Variants in ITGA2B observed in about 807,000 individuals in gnomAD.
ITGA2B encodes the protein integrin subunit alpha 2b.
A neutral mutation model predicts 142.0 loss-of-function variants in ITGA2B; 91 were observed. That is an observed-to-expected ratio of 0.64 (90% CI 0.54 to 0.76). ITGA2B has a LOEUF of 0.76. Among genes scored for constraint, ITGA2B ranks in the 30% least tolerant of loss-of-function variants. The pLI, the probability that ITGA2B is intolerant of heterozygous loss-of-function variation, is 0.00. For missense variants in ITGA2B, 1,231 were observed against 1,350.8 expected (o/e 0.91, Z 1.39); for synonymous variants, 536 against 567.2 (o/e 0.94, Z 0.78).
Position 44,377,080 on chromosome 17 carries a change from G to C in ITGA2B, c.2196C>G (p.Ile732Met). ...NPMKKNAQIG[I>M]AMLVSVGNLE... ...GATTCCCCACGCTCACCAACATCGC[G>C]ATTCCTATCTGGGAGATGAGGAGGG... Residue 732 changes from isoleucine to methionine, a missense_variant, in exon 22 of 30, where the codon ATC becomes ATG. Coordinates refer to ENST00000262407, the MANE Select transcript of ITGA2B (RefSeq NM_000419.5). 6.3e-7 allele frequency: 1 copy of C among 1,577,234 alleles called. No individual in the cohort carries two copies. Among genetic ancestry groups the C allele is most frequent in the Non-Finnish European group, 8.6e-7 (1 of 1,161,176 alleles).
chr17:44,375,574 C>T lies in ITGA2B; in HGVS notation c.2727+17G>A, dbSNP rs773764173. Reference sequence around the variant, plus strand: ...GGTCCCGGGGAGGCCGGGCCAGAGACCAGAGAGCCTGCTCACTACGAGAAC... The same window carrying T: ...GGTCCCGGGGAGGCCGGGCCAGAGATCAGAGAGCCTGCTCACTACGAGAAC... On this transcript the variant is annotated intron_variant, in intron 26 of 29. Coordinates refer to ENST00000262407, the MANE Select transcript of ITGA2B (RefSeq NM_000419.5). 3.7e-6 allele frequency: 6 copies of T among 1,613,212 alleles called. No homozygotes were observed. The East Asian group carries it at 8.9e-5, about 24-fold the overall frequency.
intron 23 of ITGA2B, 33 bp downstream of exon 23, chr17:44,376,275 T>A: frequency 1.2e-6 from 2 of 1,613,980 alleles, no homozygotes; most frequent in Non-Finnish European, 1.7e-6. Flanking sequence ...GAGCCCTGAA[T>A]GCCATCTCCC....
At chr17:44,386,958 A>C (rs2048654482) in intron 1 of ITGA2B, among the ~76,000 whole-genome samples, 1 of 152,180 alleles carries the variant, frequency 6.6e-6, no homozygotes, top group Non-Finnish European at 1.5e-5. Context: ...TGCCTGGCTA[A>C]TTAAAAAAAA....
chr17:44,379,874 C>T, intron 17 of ITGA2B, 60 bp from the exon 18 acceptor site: 1 of 1,612,864 alleles, frequency 6.2e-7, no homozygotes, highest in Non-Finnish European at 8.5e-7. Context: ...CTTCTCCTGG[C>T]CAGTAGGCAC....
At position 44,381,055 on chromosome 17, in the gene ITGA2B, G is replaced by A. The variant is rs1204070474; in HGVS notation, c.1217C>T (p.Ala406Val). ...DLDRDGYNDI[A>V]VAAPYGGPSG... ...GGGACCCCCGTAGGGGGCAGCCACTGCAATGTCTGGAAGGAGTAACAGAAA... is the reference window on the plus strand; with the variant it reads ...GGGACCCCCGTAGGGGGCAGCCACTACAATGTCTGGAAGGAGTAACAGAAA... The change falls in exon 13 of 30, where the codon GCA becomes GTA. Residue 406 changes from alanine to valine, a missense_variant. Ala to Val is a moderately conservative substitution (Grantham distance 64, BLOSUM62 0). This residue lies in a region of ITGA2B where 908 missense variants were observed against 1,021.1 expected (regional missense o/e 0.89). Transcript: ENST00000262407. 1 of 1,613,226 alleles carries A rather than the reference G, an allele frequency of 6.2e-7. No homozygotes were observed. The highest frequency in any genetic ancestry group is 8.5e-7 in the Non-Finnish European group (1 of 1,179,676).
intron 18 of ITGA2B, among the ~76,000 whole-genome samples, 183 bp downstream of exon 18, chr17:44,379,506 G>C (rs184817511): frequency 2.4e-3 from 366 of 152,122 alleles, no homozygotes; most frequent in African/African-American, 8.7e-3. Flanking sequence ...TGCCTGCCTC[G>C]GTCTCCCAAA....
At chr17:44,387,388 T>C (rs865832059) in intron 1 of ITGA2B, among the ~76,000 whole-genome samples, 6 of 151,870 alleles carry the variant, frequency 4.0e-5, no homozygotes, top group Admixed American at 6.6e-5. Flanking sequence ...CCGGGCATGG[T>C]GGCATGCACC....
chr17:44,377,452 C>T (rs1354348295), intron 21 of ITGA2B, among the ~76,000 whole-genome samples: 5 of 151,836 alleles, frequency 3.3e-5, no homozygotes, highest in Non-Finnish European at 7.4e-5. Flanking sequence ...TCTCGGCCTC[C>T]CAGAGTGCTG....
At position 44,384,313 on chromosome 17, in the gene ITGA2B, C is replaced by T. The variant is rs531610168; in HGVS notation, c.889G>A (p.Ala297Thr). ...GGCCCAGTGGTGGGGGCACTTACCG[C>T]TCCCAGGGTCCAGCTCCAAGTGGGG... ...GAPTWSWTLG[A>T]VEILDSYYQR... is the part of the protein sequence containing the mutation. The change falls in exon 9 of 30, where the codon GCG becomes ACG. Residue 297 changes from alanine (A) to threonine (T), a missense_variant and splice_region_variant. By Grantham distance (58) the Ala-to-Thr change is moderately conservative. Coordinates refer to ENST00000262407, the MANE Select transcript of ITGA2B (RefSeq NM_000419.5). 2.0e-5 allele frequency: 32 copies of T among 1,613,344 alleles called. No individual in the cohort carries two copies. The South Asian group carries it at 3.3e-4, about 17-fold the overall frequency.
chr17:44,388,351 C>CTTTTT (rs35720866), intron 1 of ITGA2B, among the ~76,000 whole-genome samples: 289 of 97,240 alleles, frequency 3.0e-3, no homozygotes, highest in Non-Finnish European at 4.0e-3. Flanking sequence ...CATTTCCTTT[C>CTTTTT]TTTTTTTTTT....
intron 18 of ITGA2B, among the ~76,000 whole-genome samples, chr17:44,378,969 G>A (rs1393497988): frequency 3.9e-5 from 6 of 152,168 alleles, no homozygotes; most frequent in Non-Finnish European, 7.4e-5. Context: ...TTTTGGAGAC[G>A]GAGTCTCGCT....
chr17:44,383,520 C>T lies in ITGA2B; in HGVS notation c.1183G>A (p.Gly395Ser), dbSNP rs1055371915. 4 of 1,610,592 alleles carry T rather than the reference C, an allele frequency of 2.5e-6. No homozygotes were observed. The highest frequency in any genetic ancestry group is 2.7e-5 in the African/African-American group (2 of 74,886). Residue 395 changes from glycine (G) to serine (S), a missense_variant, in exon 12 of 30, where the codon GGC becomes AGC. Gly to Ser is a moderately conservative substitution (Grantham distance 56, BLOSUM62 0). This residue lies in a region of ITGA2B where 908 missense variants were observed against 1,021.1 expected (regional missense o/e 0.89). Coordinates refer to ENST00000262407, the MANE Select transcript of ITGA2B (RefSeq NM_000419.5). The stretch of plus-strand genomic sequence containing the variant: ...TTGTAGCCATCCCGGTCGAGGTCGC[C>T]CAGGGGTGCGATGGCAGAGCCGAAT... ...GRFGSAIAPL[G>S]DLDRDGYNDI...
intron 10 of ITGA2B, 31 bp from the exon 11 acceptor site, chr17:44,383,977 C>T: frequency 6.2e-7 from 1 of 1,614,002 alleles, no homozygotes; most frequent in Non-Finnish European, 8.5e-7. Flanking sequence ...TCATTCACGC[C>T]GCTGGACAAG....
chr17:44,382,991 T>C (rs1436823091), intron 12 of ITGA2B, among the ~76,000 whole-genome samples: 5 of 152,042 alleles, frequency 3.3e-5, no homozygotes, highest in Admixed American at 3.3e-4. Flanking sequence ...CATTCAGATC[T>C]CTCTTGTGGA....
Position 44,386,098 on chromosome 17 carries a change from C to T in ITGA2B, c.222G>A (p.Leu74=), listed in dbSNP as rs1053418481. ...VAIVVGAPRT[L]GPSQEETGGV... is the part of the protein sequence containing the mutation. ...CGCCCGTCTCCTCCTGGCTGGGGCC[C>T]AGGGTCCGCGGGGCGCCCACCACGA... Residue 74 remains leucine (L), a synonymous_variant, in exon 2 of 30, where the codon CTG becomes CTA. Transcript: ENST00000262407. 5.0e-6 allele frequency: 8 copies of T among 1,607,448 alleles called. No homozygotes were observed. Among genetic ancestry groups the T allele is most frequent in the South Asian group, 2.2e-5 (2 of 90,572 alleles).
chr17:44,388,818 C>CTTTTTTTTTTTTT (rs758076614), intron 1 of ITGA2B, among the ~76,000 whole-genome samples: 9 of 132,180 alleles, frequency 6.8e-5, no homozygotes, highest in Admixed American at 1.5e-4. Context: ...TGCCTGGTCT[C>CTTTTTTTTTTTTT]TTTTTTTTTT....
Position 44,378,634 on chromosome 17 carries a change from C to T in ITGA2B, c.1946+9G>A, listed in dbSNP as rs565247756. 1 of 1,568,808 alleles carries T rather than the reference C, an allele frequency of 6.4e-7. No homozygotes were observed. Among genetic ancestry groups the T allele is most frequent in the Non-Finnish European group, 8.6e-7 (1 of 1,156,568 alleles). Reference sequence around the variant, plus strand: ...GGCCAGGGTCGGGCAGAATGGGAGGCCTCCTCACACGCTGGCAGTGAGCTG... The same window carrying T: ...GGCCAGGGTCGGGCAGAATGGGAGGTCTCCTCACACGCTGGCAGTGAGCTG... On this transcript the variant is annotated intron_variant, in intron 19 of 29. Coordinates refer to ENST00000262407, the MANE Select transcript of ITGA2B (RefSeq NM_000419.5).
intron 26 of ITGA2B, 164 bp from the exon 27 acceptor site, chr17:44,375,275 C>T (rs2048531022): frequency 1.4e-6 from 1 of 693,644 alleles, no homozygotes; most frequent in South Asian, 1.6e-5. Flanking sequence ...GCTGTCTTTC[C>T]ACGGGCTTGC....
At chr17:44,388,351 CTTTTTTTTTTT>C (rs35720866) in intron 1 of ITGA2B, among the ~76,000 whole-genome samples, 1 of 97,362 alleles carries the variant, frequency 1.0e-5, no homozygotes, top group Non-Finnish European at 1.9e-5. Context: ...CATTTCCTTT[CTTTTTTTTTTT>C]TTTTTTTTTT....
Sources: allele counts gnomAD v4.1 joint callset (sites outside exome capture counted in the v4.1 genomes callset), GRCh38; gene constraint gnomAD v4.1.1; regional missense constraint gnomAD v4.1.1; transcripts MANE v1.5; gene names NCBI Gene and HGNC (gene_info 2026-07-23, HGNC 2026-07-21).